RAD51B: variants seen among roughly 807,000 people sequenced by gnomAD.
RAD51B encodes the protein RAD51 paralog B.
In RAD51B, 38 loss-of-function variants were observed where a neutral mutation model predicts 42.2. The observed-to-expected ratio is 0.90, with a 90% confidence interval of 0.70 to 1.18. The LOEUF is 1.18. Among genes scored for constraint, RAD51B ranks in the 50% most tolerant of loss-of-function variants. The pLI is 0.00. For synonymous variants in RAD51B, 154 were observed against 145.2 expected (o/e 1.06, Z -0.43); for missense variants, 373 against 400.7 (o/e 0.93, Z 0.59).
intron 8 of RAD51B, among the ~76,000 whole-genome samples, chr14:68,303,616 G>A (rs1394402737): frequency 1.3e-5 from 2 of 152,170 alleles, no homozygotes; most frequent in African/African-American, 4.8e-5. Context: ...GTCACTTTGG[G>A]GTGGGGTTAG....
chr14:68,148,312 G>C (rs1404182883), intron 7 of RAD51B, among the ~76,000 whole-genome samples: 1 of 152,150 alleles, frequency 6.6e-6, no homozygotes, highest in Non-Finnish European at 1.5e-5. Flanking sequence ...TTTTTGAAAA[G>C]AGGTATGCTT....
Position 68,301,573 on chromosome 14 carries a change from GT to G in RAD51B, c.853+9603del, listed in dbSNP as rs1178726085. On this transcript the variant is annotated intron_variant, in intron 8 of 10. Transcript: ENST00000471583. ...TGTCTTAGGGTCATTAGAATGTGAG[GT>G]TTTTTTTTTGTTTGTGTGTTTTTTT... Among the ~76,000 whole-genome samples the G allele has an allele frequency of 1.1e-3, 145 of 137,866 alleles. 2 individuals carry two copies. The highest frequency in any genetic ancestry group is 3.7e-3 in the Middle Eastern group (1 of 270). The allele number at this position is 137,866 out of a possible 152,430, so 90.4% of individuals were successfully genotyped here. A position where few individuals can be genotyped will look rare whatever the true frequency, so the allele number is the denominator to read the frequency against.
intron 7 of RAD51B, among the ~76,000 whole-genome samples, chr14:67,899,196 C>T (rs1472997590): frequency 1.3e-5 from 2 of 151,896 alleles, no homozygotes; most frequent in African/African-American, 4.8e-5. Context: ...GCACCCGCCA[C>T]CACGCCCGGC....
chr14:68,027,101 C>T (rs1186775464), intron 7 of RAD51B, among the ~76,000 whole-genome samples: 1 of 152,016 alleles, frequency 6.6e-6, no homozygotes, highest in African/African-American at 2.4e-5. Flanking sequence ...GTTTATGAAG[C>T]TTAGTTTGGT....
intron 10 of RAD51B, among the ~76,000 whole-genome samples, chr14:68,638,792 C>T (rs984022749): frequency 6.6e-6 from 1 of 152,056 alleles, no homozygotes; most frequent in Non-Finnish European, 1.5e-5. Context: ...TTCAGAGGGG[C>T]CATTCCATGT....
chr14:67,944,740 A>C (rs910472878), intron 7 of RAD51B, among the ~76,000 whole-genome samples: 1 of 152,162 alleles, frequency 6.6e-6, no homozygotes, highest in Non-Finnish European at 1.5e-5. Context: ...TTGCTGCAAG[A>C]GTTTCGCCAG....
At chr14:67,832,218 C>G (rs936451249) in intron 3 of RAD51B, among the ~76,000 whole-genome samples, 2 of 152,048 alleles carry the variant, frequency 1.3e-5, no homozygotes, top group African/African-American at 4.8e-5. Flanking sequence ...GCAAGTGATC[C>G]TCCTGCCTTA....
chr14:68,348,907 T>TTTGTCTCATA (rs1329271320), intron 8 of RAD51B, among the ~76,000 whole-genome samples: 2 of 152,192 alleles, frequency 1.3e-5, no homozygotes, highest in Non-Finnish European at 2.9e-5. Context: ...AGTTTAGATC[T>TTTGTCTCATA]GGGATAAACA....
At chr14:68,304,376 C>T (rs1014361017) in intron 8 of RAD51B, among the ~76,000 whole-genome samples, 2 of 152,126 alleles carry the variant, frequency 1.3e-5, no homozygotes, top group Non-Finnish European at 1.5e-5. Flanking sequence ...TGCTGATGAT[C>T]GCATAACTAG....
intron 11 of RAD51B, among the ~76,000 whole-genome samples, chr14:68,669,856 G>A (rs947923494): frequency 6.6e-6 from 1 of 152,212 alleles, no homozygotes; most frequent in Non-Finnish European, 1.5e-5. Context: ...TGTGGGAGAT[G>A]AGACAAGGAC....
At chr14:68,126,188 A>G (rs2077755766) in intron 7 of RAD51B, among the ~76,000 whole-genome samples, 1 of 152,328 alleles carries the variant, frequency 6.6e-6, no homozygotes, top group African/African-American at 2.4e-5. Flanking sequence ...TTACTGTAGT[A>G]ACAACAAAAA....
intron 7 of RAD51B, among the ~76,000 whole-genome samples, chr14:68,205,753 A>T (rs2079572485): frequency 2.0e-5 from 3 of 152,114 alleles, no homozygotes; most frequent in African/African-American, 7.2e-5. Flanking sequence ...CTCGATCTAC[A>T]TATGCATATA....
intron 7 of RAD51B, among the ~76,000 whole-genome samples, chr14:68,096,393 G>T (rs1023610750): frequency 1.3e-5 from 2 of 152,170 alleles, no homozygotes; most frequent in African/African-American, 4.8e-5. Context: ...TTTCTGGATT[G>T]TCTGCATTTT....
At chr14:67,927,744 T>C (rs555279604) in intron 7 of RAD51B, among the ~76,000 whole-genome samples, 3 of 150,286 alleles carry the variant, frequency 2.0e-5, no homozygotes, top group African/African-American at 7.5e-5. Context: ...ATATAATATA[T>C]TCATTGTGTG....
At chr14:68,038,240 A>G (rs1237440008) in intron 7 of RAD51B, among the ~76,000 whole-genome samples, 5 of 152,230 alleles carry the variant, frequency 3.3e-5, no homozygotes, top group Non-Finnish European at 7.3e-5. Context: ...TCGGCATGTA[A>G]TGATAGCATC....
At chr14:68,495,104 G>C (rs1348147415) in intron 10 of RAD51B, among the ~76,000 whole-genome samples, 1 of 152,178 alleles carries the variant, frequency 6.6e-6, no homozygotes. Flanking sequence ...CCTGGGCCCT[G>C]GAAGAGCATG....
At chr14:68,029,683 A>G (rs543818252) in intron 7 of RAD51B, among the ~76,000 whole-genome samples, 4 of 152,148 alleles carry the variant, frequency 2.6e-5, no homozygotes, top group Non-Finnish European at 4.4e-5. Context: ...ACTCCTGTGC[A>G]TGTTGCTATT....
chr14:68,015,648 G>A (rs1266018103), intron 7 of RAD51B, among the ~76,000 whole-genome samples: 1 of 152,146 alleles, frequency 6.6e-6, no homozygotes, highest in Non-Finnish European at 1.5e-5. Flanking sequence ...ACCTGTCCCC[G>A]TGATTCAATT....
intron 10 of RAD51B, among the ~76,000 whole-genome samples, chr14:68,626,430 ATC>A (rs1309633821): frequency 6.6e-6 from 1 of 152,224 alleles, no homozygotes; most frequent in Non-Finnish European, 1.5e-5. Flanking sequence ...ATGCATTTTT[ATC>A]TCTCACATCT....
Sources: allele counts gnomAD v4.1 joint callset (sites outside exome capture counted in the v4.1 genomes callset), GRCh38; gene constraint gnomAD v4.1.1; transcripts MANE v1.5; gene names NCBI Gene and HGNC (gene_info 2026-07-23, HGNC 2026-07-21).